AP3S1: variants seen among roughly 807,000 people sequenced by gnomAD.
AP3S1 encodes the protein adaptor related protein complex 3 subunit sigma 1, also known as AP-3 complex subunit sigma-1.
In AP3S1, 12 loss-of-function variants were observed where a neutral mutation model predicts 21.3. The ratio of observed to expected loss-of-function variants is 0.56; its 90% CI spans 0.36 to 0.91. The LOEUF (loss-of-function observed/expected upper bound fraction) is 0.91. Among genes scored for constraint, AP3S1 ranks in the 40% least tolerant of loss-of-function variants. The pLI is 0.01. For synonymous variants in AP3S1, 48 were observed against 78.4 expected, an observed-to-expected ratio of 0.61 and a Z score of 2.05; for missense variants, 116 against 225.0, an observed-to-expected ratio of 0.52 and a Z score of 3.10.
intron 1 of AP3S1, 109 bp downstream of exon 1, chr5:115,842,215 C>T: frequency 1.6e-5 from 22 of 1,399,106 alleles, no homozygotes; most frequent in Non-Finnish European, 2.0e-5. Flanking sequence ...CGGCCCTTGT[C>T]CCGTCCCGGC....
At chr5:115,865,137 T>G (rs1338032063) in intron 1 of AP3S1, among the ~76,000 whole-genome samples, 1 of 152,010 alleles carries the variant, frequency 6.6e-6, no homozygotes, top group Non-Finnish European at 1.5e-5. Context: ...TTTGCCATAC[T>G]TAAGACAACA....
At chr5:115,863,119 G>C (rs889559045) in intron 1 of AP3S1, among the ~76,000 whole-genome samples, 2 of 152,064 alleles carry the variant, frequency 1.3e-5, no homozygotes, top group African/African-American at 2.4e-5. Context: ...AAAAATTATG[G>C]CTGGGCGTGG....
chr5:115,857,843 T>A (rs778574375), intron 1 of AP3S1, among the ~76,000 whole-genome samples: 1 of 152,260 alleles, frequency 6.6e-6, no homozygotes, highest in Non-Finnish European at 1.5e-5. Flanking sequence ...GTTAATTTAT[T>A]ATGTAAACAC....
At chr5:115,861,600 A>C (rs1000319993) in intron 1 of AP3S1, among the ~76,000 whole-genome samples, 2 of 151,976 alleles carry the variant, frequency 1.3e-5, no homozygotes, top group African/African-American at 4.8e-5. Context: ...TGTCATCCAG[A>C]CTGGATTGTG....
At chr5:115,906,666 TG>T (rs1751680850) in intron 5 of AP3S1, among the ~76,000 whole-genome samples, 1 of 149,292 alleles carries the variant, frequency 6.7e-6, no homozygotes, top group Admixed American at 6.7e-5. Flanking sequence ...GGTAGAGGGG[TG>T]GGGTTGGGGA....
chr5:115,857,155 A>G (rs1212949169), intron 1 of AP3S1, among the ~76,000 whole-genome samples: 1 of 152,216 alleles, frequency 6.6e-6, no homozygotes, highest in African/African-American at 2.4e-5. Context: ...AAGCAGTAAT[A>G]TAATACAGAA....
rs185946830 is a variant in AP3S1, at chr5:115,874,267, A to G, written c.273+4139A>G. 2.5e-3 allele frequency among the ~76,000 whole-genome samples: 387 copies of G among 152,158 alleles called. 3 individuals are homozygous for G. The highest frequency in any genetic ancestry group is 8.8e-3 in the African/African-American group (365 of 41,534). On this transcript the variant is annotated intron_variant, in intron 3 of 5. Transcript: ENST00000316788. ...AACTGCTATGTATGCCATATATGCTAGAGTTAATAGCTAGCTTTTTAAGGA... is the reference window on the plus strand; with the variant it reads ...AACTGCTATGTATGCCATATATGCTGGAGTTAATAGCTAGCTTTTTAAGGA...
Position 115,879,174 on chromosome 5 carries a change from A to G in AP3S1, c.273+9046A>G, listed in dbSNP as rs565598231. On this transcript the variant is annotated intron_variant, in intron 3 of 5. Coordinates refer to ENST00000316788, the MANE Select transcript of AP3S1 (RefSeq NM_001284.4). ...ACAGTTTGACTTTCTCTCTTCCTCTATGAATACAGTTTATTTCTTTCTCTT... is the reference window on the plus strand; with the variant it reads ...ACAGTTTGACTTTCTCTCTTCCTCTGTGAATACAGTTTATTTCTTTCTCTT... 3.7e-4 allele frequency among the ~76,000 whole-genome samples: 56 copies of G among 152,106 alleles called. 1 individual carries two copies. The Middle Eastern group carries it at 0.01, about 28-fold the overall frequency.
chr5:115,902,882 T>C lies in AP3S1; in HGVS notation c.346-3T>C. On this transcript the variant is annotated splice_polypyrimidine_tract_variant and splice_region_variant and intron_variant, in intron 4 of 5. Transcript: ENST00000316788. Reference sequence around the variant, plus strand: ...TGGGTATATATTCTTTTATTCCCTTTAGGTTCACAATATTCTTGCAGAAAT... The same window carrying C: ...TGGGTATATATTCTTTTATTCCCTTCAGGTTCACAATATTCTTGCAGAAAT... The C allele has an allele frequency of 1.0e-5, 2 of 197,578 alleles. No homozygotes were observed. Among genetic ancestry groups the C allele is most frequent in the South Asian group, 9.7e-5 (1 of 10,260 alleles). 12.2% of individuals were successfully genotyped at this position (197,578 alleles called of 1,614,324 possible).
At chr5:115,911,252 G>C (rs911412140) in intron 5 of AP3S1, among the ~76,000 whole-genome samples, 1 of 151,900 alleles carries the variant, frequency 6.6e-6, no homozygotes, top group Non-Finnish European at 1.5e-5. Context: ...GGAAAAGAGA[G>C]CTTCATGTAC....
intron 5 of AP3S1, among the ~76,000 whole-genome samples, chr5:115,912,530 AAAT>A (rs1752187099): frequency 6.6e-6 from 1 of 152,094 alleles, no homozygotes; most frequent in Admixed American, 6.5e-5. Context: ...TAGGAAAGCC[AAAT>A]ATTATGCACT....
At chr5:115,897,098 A>C (rs1056454797) in intron 4 of AP3S1, among the ~76,000 whole-genome samples, 1 of 152,222 alleles carries the variant, frequency 6.6e-6, no homozygotes, top group African/African-American at 2.4e-5. Context: ...ACAGAGAGAA[A>C]AATATGTGAA....
intron 4 of AP3S1, among the ~76,000 whole-genome samples, chr5:115,901,919 AGTTT>A (rs1206441410): frequency 6.6e-6 from 1 of 152,104 alleles, no homozygotes; most frequent in Non-Finnish European, 1.5e-5. Context: ...TCCTAAAAAG[AGTTT>A]GTTGAAAAAA....
chr5:115,846,693 C>T (rs546542601), intron 1 of AP3S1, among the ~76,000 whole-genome samples: 8 of 151,844 alleles, frequency 5.3e-5, no homozygotes, highest in African/African-American at 1.7e-4. Context: ...ACTATTAAGA[C>T]GTTGTGGCAG....
chr5:115,851,340 C>G (rs1194118459), intron 1 of AP3S1, among the ~76,000 whole-genome samples: 1 of 151,994 alleles, frequency 6.6e-6, no homozygotes. Context: ...AGGTACATAC[C>G]CAGAAGTGGA....
chr5:115,909,934 A>C (rs115712182), intron 5 of AP3S1, among the ~76,000 whole-genome samples: 1,820 of 152,270 alleles, frequency 0.012, 15 homozygotes, highest in Non-Finnish European at 0.015. Flanking sequence ...AACAACTAAT[A>C]ATAAAAGAGA....
chr5:115,875,219 T>C (rs1430807254), intron 3 of AP3S1, among the ~76,000 whole-genome samples: 1 of 152,202 alleles, frequency 6.6e-6, no homozygotes, highest in Non-Finnish European at 1.5e-5. Flanking sequence ...GTTTGATGGC[T>C]TGGAATGAAT....
intron 2 of AP3S1, among the ~76,000 whole-genome samples, chr5:115,867,475 A>C (rs1177907783): frequency 6.6e-6 from 1 of 152,192 alleles, no homozygotes; most frequent in Non-Finnish European, 1.5e-5. Flanking sequence ...TCTCAAACAT[A>C]AATCAGTCAG....
Position 115,908,102 on chromosome 5 carries a change from C to T in AP3S1, c.453+5110C>T, listed in dbSNP as rs1156695120. On this transcript the variant is annotated intron_variant, in intron 5 of 5. Coordinates refer to ENST00000316788, the MANE Select transcript of AP3S1 (RefSeq NM_001284.4). ...GTGTTTGAGAAGAAGTAGCAACATA[C>T]AGGTGGCTTTATAGTATCTTATTTT... 3.9e-5 allele frequency among the ~76,000 whole-genome samples: 6 copies of T among 152,064 alleles called. No homozygotes were observed. In the East Asian group the frequency reaches 1.2e-3, roughly 29 times the overall value.
Sources: gnomAD v4.1 joint callset for allele counts (sites outside exome capture counted in the v4.1 genomes callset) on GRCh38, gnomAD v4.1.1 for gene constraint, MANE v1.5 for transcripts, NCBI Gene and HGNC (gene_info 2026-07-23, HGNC 2026-07-21) for gene names.